Variants in RCBTB2 observed in about 807,000 individuals in gnomAD.
RCBTB2 encodes RCC1 and BTB domain containing protein 2, also known as RCC1 and BTB domain-containing protein 2.
In RCBTB2, 55 loss-of-function variants were observed where a neutral mutation model predicts 65.4. The observed-to-expected ratio is 0.84, with a 90% CI of 0.68 to 1.05. The LOEUF (loss-of-function observed/expected upper bound fraction) is 1.05, where lower values mean the gene tolerates loss of function less well. Among genes scored for constraint, RCBTB2 ranks in the 50% least tolerant of loss-of-function variants. RCBTB2 has a pLI of 0.00. For missense variants in RCBTB2, 599 were observed against 680.1 expected, an observed-to-expected ratio of 0.88 and a Z score of 1.33; for synonymous variants, 220 against 255.2, an observed-to-expected ratio of 0.86 and a Z score of 1.31.
intron 10 of RCBTB2, among the ~76,000 whole-genome samples, chr13:48,503,926 C>T (rs973613665): frequency 2.0e-5 from 3 of 152,164 alleles, no homozygotes; most frequent in African/African-American, 7.2e-5. Context: ...AGCCACCATA[C>T]AGATTGAAGG....
upstream of RCBTB2, among the ~76,000 whole-genome samples, chr13:48,534,668 A>G (rs937274653): frequency 1.3e-5 from 2 of 152,236 alleles, no homozygotes; most frequent in South Asian, 4.1e-4. Context: ...GTGTTTCACT[A>G]AAGATTTTAA....
chr13:48,492,842 C>G (rs1325834813), intron 14 of RCBTB2, among the ~76,000 whole-genome samples: 1 of 152,186 alleles, frequency 6.6e-6, no homozygotes, highest in Non-Finnish European at 1.5e-5. Flanking sequence ...ACGTCACTGC[C>G]TCATAGCTTT....
At chr13:48,491,815 A>T (rs1949711815) in intron 14 of RCBTB2, 1 of 152,184 alleles carries the variant, frequency 6.6e-6, no homozygotes, top group Admixed American at 6.5e-5. Flanking sequence ...CTAGAGTGGG[A>T]TCTTCCCCTA....
At chr13:48,501,911 T>C in intron 11 of RCBTB2, 43 bp from the exon 12 acceptor site, 2 of 1,595,854 alleles carry the variant, frequency 1.3e-6, no homozygotes, top group Non-Finnish European at 1.7e-6. Context: ...GCTACAGACA[T>C]AATGAACACA....
chr13:48,505,099 G>A (rs1950432020), intron 10 of RCBTB2, among the ~76,000 whole-genome samples: 2 of 150,300 alleles, frequency 1.3e-5, no homozygotes, highest in Admixed American at 1.3e-4. Flanking sequence ...AACAAAAACT[G>A]GGTTTGAATC....
At chr13:48,505,927 A>C (rs1317147717) in intron 10 of RCBTB2, among the ~76,000 whole-genome samples, 1 of 152,216 alleles carries the variant, frequency 6.6e-6, no homozygotes, top group African/African-American at 2.4e-5. Flanking sequence ...CCCGTGATTT[A>C]GCTGAGGAAC....
Position 48,521,921 on chromosome 13 carries a change from G to T in RCBTB2, c.19C>A (p.Leu7Ile), listed in dbSNP as rs1298597434. 1.2e-6 allele frequency: 2 copies of T among 1,613,716 alleles called. No homozygotes were observed. The highest frequency in any genetic ancestry group is 1.3e-5 in the African/African-American group (1 of 74,904). The change falls in exon 4 of 15, where the codon CTT (leucine) becomes ATT (isoleucine). Residue 7 changes from leucine (L) to isoleucine (I), a missense_variant. Physicochemically the swap from Leu to Ile is conservative, Grantham distance 5 (BLOSUM62 2). Transcript: ENST00000344532. ...ACCTTGCCACTGTCTCCAGAGAAAA[G>T]AGGAAGTTCTTCTTCCATATGGACT... Reference protein sequence around the residue: MEEELPLFSGDSGKPVQ... With the variant: MEEELPIFSGDSGKPVQ...
intron 4 of RCBTB2, among the ~76,000 whole-genome samples, chr13:48,520,079 T>C (rs1951336258): frequency 6.6e-6 from 1 of 151,824 alleles, no homozygotes; most frequent in Admixed American, 6.6e-5. Context: ...AAAAAAAAAA[T>C]CTGAAATCCA....
At chr13:48,504,655 T>C (rs1443897644) in intron 10 of RCBTB2, among the ~76,000 whole-genome samples, 1 of 152,178 alleles carries the variant, frequency 6.6e-6, no homozygotes, top group African/African-American at 2.4e-5. Flanking sequence ...CTGGCTTAAT[T>C]CTCTCTAAGC....
chr13:48,515,678 G>A lies in RCBTB2; in HGVS notation c.106C>T (p.Leu36Phe), dbSNP rs1157456710. The change falls in exon 5 of 15, where the codon CTT becomes TTT. Residue 36 changes from leucine to phenylalanine, a missense_variant. Transcript: ENST00000344532. ...LDVGKWPIFS[L>F]CSEEELQLIR... ...AACTGTAGTTCTTCTTCAGAACAAA[G>A]GGAAAAAATTGGCCACTTTCCCACA... 1.9e-6 allele frequency: 3 copies of A among 1,613,662 alleles called. No individual in the cohort carries two copies. The highest frequency in any genetic ancestry group is 1.7e-6 in the Non-Finnish European group (2 of 1,179,832).
At chr13:48,528,984 A>T (rs926296997) in intron 1 of RCBTB2, among the ~76,000 whole-genome samples, 1 of 152,174 alleles carries the variant, frequency 6.6e-6, no homozygotes. Context: ...TTGTTTTTTT[A>T]AAAAGTTTTC....
chr13:48,502,716 C>T lies in RCBTB2; in HGVS notation c.1117+8G>A. ...GGCCATCCCCCAAATGGACAGTGACCAGCTTACCCACGGAGAGGAGGCGCC... is the reference window on the plus strand; with the variant it reads ...GGCCATCCCCCAAATGGACAGTGACTAGCTTACCCACGGAGAGGAGGCGCC... On this transcript the variant is annotated splice_region_variant and intron_variant, in intron 11 of 14. Coordinates refer to ENST00000344532, the MANE Select transcript of RCBTB2 (RefSeq NM_001268.4). 6.2e-7 allele frequency: 1 copy of T among 1,603,036 alleles called. No homozygotes were observed.
upstream of RCBTB2, among the ~76,000 whole-genome samples, chr13:48,535,519 G>A (rs1952352211): frequency 6.6e-6 from 1 of 152,158 alleles, no homozygotes; most frequent in South Asian, 2.1e-4. Flanking sequence ...GCCTCCTAAA[G>A]TGCCGAGATT....
upstream of RCBTB2, chr13:48,533,156 G>A: frequency 5.2e-6 from 2 of 382,852 alleles, no homozygotes; most frequent in South Asian, 3.6e-5. Flanking sequence ...ATGCGCTCGG[G>A]TGCCCGGCCG....
Position 48,531,468 on chromosome 13 carries a change from C to T in RCBTB2, c.-219+1560G>A, listed in dbSNP as rs142244617. 9.9e-3 allele frequency among the ~76,000 whole-genome samples: 1,509 copies of T among 152,310 alleles called. 35 individuals carry two copies. The highest frequency in any genetic ancestry group is 0.034 in the African/African-American group (1,432 of 41,546). ...CAGACATTTTAGGTGAGGTAGTCACCTCTCTGAAATGATGGCAATTGTTTC... is the reference window on the plus strand; with the variant it reads ...CAGACATTTTAGGTGAGGTAGTCACTTCTCTGAAATGATGGCAATTGTTTC... On this transcript the variant is annotated intron_variant, in intron 1 of 14. Coordinates refer to ENST00000344532, the MANE Select transcript of RCBTB2 (RefSeq NM_001268.4).
At position 48,489,174 on chromosome 13, in the gene RCBTB2, G is replaced by A. The variant is rs1949601939; in HGVS notation, c.*937C>T. ...AATTTATCTCATTCTTGTTAATGCT[G>A]TCCATGAAATGTAAGTATCAGTTCC... On this transcript the variant is annotated 3_prime_UTR_variant, in exon 15 of 15. Transcript: ENST00000344532. 1 of 152,150 alleles carries A rather than the reference G, an allele frequency of 6.6e-6. No homozygotes were observed. The highest frequency in any genetic ancestry group is 6.5e-5 in the Admixed American group (1 of 15,280). 9.4% of individuals were successfully genotyped at this position (152,150 alleles called of 1,614,324 possible).
At chr13:48,506,624 T>G (rs1311078847) in intron 10 of RCBTB2, among the ~76,000 whole-genome samples, 1 of 152,120 alleles carries the variant, frequency 6.6e-6, no homozygotes, top group African/African-American at 2.4e-5. Context: ...GTGGCAGGTG[T>G]GGGGGCCAAT....
chr13:48,505,941 T>C (rs940092930), intron 10 of RCBTB2, among the ~76,000 whole-genome samples: 1 of 152,190 alleles, frequency 6.6e-6, no homozygotes, highest in Non-Finnish European at 1.5e-5. Flanking sequence ...GAGGAACTCA[T>C]GATTTAGCTG....
chr13:48,506,552 G>A (rs1417958114), intron 10 of RCBTB2, among the ~76,000 whole-genome samples: 1 of 152,166 alleles, frequency 6.6e-6, no homozygotes, highest in African/African-American at 2.4e-5. Context: ...GTGGCCCAGG[G>A]GATGAGTCTA....
Sources: gnomAD v4.1 joint callset for allele counts (sites outside exome capture counted in the v4.1 genomes callset) on GRCh38, gnomAD v4.1.1 for gene constraint, MANE v1.5 for transcripts, NCBI Gene and HGNC (gene_info 2026-07-23, HGNC 2026-07-21) for gene names.